Variants in KLHL1 observed in about 807,000 individuals in gnomAD.
KLHL1 encodes the protein kelch-like protein 1.
In KLHL1, 47 loss-of-function variants were observed where a neutral mutation model predicts 77.7. The observed-to-expected ratio is 0.60, with a 90% CI of 0.48 to 0.77. The LOEUF is 0.77. KLHL1 is among the 30% of genes least tolerant of loss of function. The pLI is 0.00. For synonymous variants in KLHL1, 360 were observed against 325.2 expected, an observed-to-expected ratio of 1.11 and a Z score of -1.15; for missense variants, 925 against 910.8, an observed-to-expected ratio of 1.02 and a Z score of -0.20.
intron 4 of KLHL1, among the ~76,000 whole-genome samples, chr13:69,908,410 G>C (rs1412076087): frequency 6.6e-6 from 1 of 151,440 alleles, no homozygotes; most frequent in East Asian, 1.9e-4. Flanking sequence ...GACAAAAAAA[G>C]TTCCTGAAAT....
intron 1 of KLHL1, among the ~76,000 whole-genome samples, chr13:70,049,736 A>G (rs1352975511): frequency 6.6e-6 from 1 of 152,156 alleles, no homozygotes; most frequent in East Asian, 1.9e-4. Context: ...TTTTAATATG[A>G]GGAAAATGAG....
intron 7 of KLHL1, among the ~76,000 whole-genome samples, chr13:69,743,168 G>C (rs1489020205): frequency 1.3e-5 from 2 of 152,092 alleles, no homozygotes; most frequent in South Asian, 4.1e-4. Flanking sequence ...CAGATCACTA[G>C]GATAATTTAA....
At chr13:69,701,883 A>G in intron 10 of KLHL1, 122 bp from the exon 11 acceptor site, 1 of 692,150 alleles carries the variant, frequency 1.4e-6, no homozygotes, top group Non-Finnish European at 2.3e-6. Flanking sequence ...CATTTTAGCC[A>G]GAAGTAGTAC....
intron 1 of KLHL1, among the ~76,000 whole-genome samples, chr13:70,054,744 CAG>C (rs766491319): frequency 2.0e-4 from 29 of 146,516 alleles, no homozygotes; most frequent in African/African-American, 3.8e-4. Flanking sequence ...AAAAATCAAA[CAG>C]AAATTCTGGA....
intron 7 of KLHL1, among the ~76,000 whole-genome samples, chr13:69,769,970 A>G (rs1300075211): frequency 6.6e-6 from 1 of 151,952 alleles, no homozygotes; most frequent in African/African-American, 2.4e-5. Flanking sequence ...AACAGTGGTG[A>G]CCCTTCTGGG....
intron 4 of KLHL1, among the ~76,000 whole-genome samples, chr13:69,922,650 A>G (rs1882681452): frequency 6.6e-6 from 1 of 152,184 alleles, no homozygotes; most frequent in Non-Finnish European, 1.5e-5. Flanking sequence ...GTGTAGCTCA[A>G]TAACAAGCAA....
intron 1 of KLHL1, among the ~76,000 whole-genome samples, chr13:69,980,332 G>T (rs1167157522): frequency 6.6e-6 from 1 of 151,974 alleles, no homozygotes. Context: ...CCTACTTAGT[G>T]CAAATCTGAA....
At chr13:70,098,950 T>A (rs1465032591) in intron 1 of KLHL1, among the ~76,000 whole-genome samples, 3 of 151,878 alleles carry the variant, frequency 2.0e-5, no homozygotes, top group Non-Finnish European at 4.4e-5. Context: ...ATGGATTACA[T>A]GCTTTATACT....
intron 3 of KLHL1, among the ~76,000 whole-genome samples, chr13:69,946,729 T>C (rs539250155): frequency 6.6e-6 from 1 of 152,188 alleles, no homozygotes; most frequent in East Asian, 1.9e-4. Flanking sequence ...CCCAGGCTAG[T>C]CTAGAACTCC....
At chr13:70,088,390 A>T (rs919640915) in intron 1 of KLHL1, among the ~76,000 whole-genome samples, 3 of 71,190 alleles carry the variant, frequency 4.2e-5, no homozygotes, top group African/African-American at 1.1e-4. Flanking sequence ...TACAAATATA[A>T]AAAAAAAGGC....
At chr13:70,061,248 G>A (rs1166397101) in intron 1 of KLHL1, among the ~76,000 whole-genome samples, 1 of 152,002 alleles carries the variant, frequency 6.6e-6, no homozygotes, top group African/African-American at 2.4e-5. Flanking sequence ...TTAATCTACT[G>A]GAATTTGTCT....
intron 1 of KLHL1, among the ~76,000 whole-genome samples, chr13:70,025,747 T>G (rs531497129): frequency 6.6e-5 from 10 of 151,958 alleles, no homozygotes; most frequent in African/African-American, 1.7e-4. Context: ...TTTAAAAATA[T>G]GTACAGGCAT....
At chr13:69,769,133 C>T (rs917079292) in intron 7 of KLHL1, among the ~76,000 whole-genome samples, 1 of 152,194 alleles carries the variant, frequency 6.6e-6, no homozygotes. Context: ...GAAAGAATCA[C>T]TGTCATTGCA....
intron 5 of KLHL1, among the ~76,000 whole-genome samples, chr13:69,878,817 C>G (rs1396176755): frequency 6.6e-6 from 1 of 151,958 alleles, no homozygotes; most frequent in African/African-American, 2.4e-5. Context: ...TTTATTGTGG[C>G]ACTAGTCACA....
intron 7 of KLHL1, among the ~76,000 whole-genome samples, chr13:69,775,176 G>A (rs1299027291): frequency 6.6e-6 from 1 of 152,028 alleles, no homozygotes; most frequent in Non-Finnish European, 1.5e-5. Flanking sequence ...GTACATGGAG[G>A]TGCTAATGCA....
rs902803427 is a variant in KLHL1 at position 70,062,399 on chromosome 13, T to G, written c.497+44804A>C. On this transcript the variant is annotated intron_variant, in intron 1 of 10. Transcript: ENST00000377844. ...ATTGCATGCAACCTATTAAGTAAAT[T>G]ATTTATGGTGCATAAATATTTGAGC... is the stretch of plus-strand genomic sequence containing the variant. Among the ~76,000 whole-genome samples the G allele has an allele frequency of 4.6e-5, 7 of 152,304 alleles. No homozygotes were observed. The East Asian group carries it at 1.3e-3, about 29-fold the overall frequency.
chr13:70,029,479 A>C (rs2501198), intron 1 of KLHL1, among the ~76,000 whole-genome samples: 149,648 of 152,232 alleles, frequency 0.98, 73,580 homozygotes, highest in East Asian at 1. Context: ...ATTTTCAACC[A>C]AGAATTTCAT....
chr13:69,974,202 C>T (rs1884476885), intron 2 of KLHL1, among the ~76,000 whole-genome samples: 1 of 151,266 alleles, frequency 6.6e-6, no homozygotes, highest in Admixed American at 6.6e-5. Context: ...ACTAATTTTT[C>T]GTATCCTACT....
At chr13:69,727,132 G>A (rs182711270) in intron 8 of KLHL1, among the ~76,000 whole-genome samples, 1 of 152,034 alleles carries the variant, frequency 6.6e-6, no homozygotes, top group Admixed American at 6.6e-5. Flanking sequence ...TCATAGGAAA[G>A]GTACAGATTA....
Sources: allele counts gnomAD v4.1 joint callset (sites outside exome capture counted in the v4.1 genomes callset), GRCh38; gene constraint gnomAD v4.1.1; transcripts MANE v1.5; gene names NCBI Gene and HGNC (gene_info 2026-07-23, HGNC 2026-07-21).